NMNAT1: variants seen among roughly 807,000 people sequenced by gnomAD.
NMNAT1 encodes the protein nicotinamide nucleotide adenylyltransferase 1, also known as nicotinamide/nicotinic acid mononucleotide adenylyltransferase 1.
Under a neutral mutation model 16.7 loss-of-function variants are expected in NMNAT1, and 11 were observed. That is an observed-to-expected ratio of 0.66 (90% CI 0.41 to 1.09). NMNAT1 has a LOEUF of 1.09. NMNAT1 is among the 50% of genes least tolerant of loss of function. The probability of loss-of-function intolerance (pLI) is 0.00; values close to 1 mark genes in which losing one functional copy is unlikely to be tolerated. For synonymous variants in NMNAT1, 110 were observed against 119.8 expected (o/e 0.92, Z 0.53); for missense variants, 280 against 332.3 (o/e 0.84, Z 1.22).
At chr1:9,958,443 G>GTTTTT (rs766788344) in intron 1 of NMNAT1, among the ~76,000 whole-genome samples, 13 of 139,636 alleles carry the variant, frequency 9.3e-5, no homozygotes, top group South Asian at 2.3e-4. Context: ...GTTTTGTTTT[G>GTTTTT]TTTTTTTTTT....
intron 1 of NMNAT1, among the ~76,000 whole-genome samples, chr1:9,953,129 C>T (rs1046720881): frequency 2.5e-4 from 38 of 150,028 alleles, no homozygotes; most frequent in Non-Finnish European, 5.0e-4. Flanking sequence ...TACAGGTGCC[C>T]GCCACCACGC....
chr1:9,986,457 C>T (rs1433888025), downstream of NMNAT1, among the ~76,000 whole-genome samples: 1 of 152,104 alleles, frequency 6.6e-6, no homozygotes, highest in Non-Finnish European at 1.5e-5. Flanking sequence ...CTCAGCCAGG[C>T]TTGGTGGCTC....
At chr1:9,979,838 C>G (rs1228462900) in intron 3 of NMNAT1, among the ~76,000 whole-genome samples, 5 of 151,832 alleles carry the variant, frequency 3.3e-5, no homozygotes, top group African/African-American at 1.2e-4. Context: ...AATGCCTCCT[C>G]ATAGACTCTG....
At position 9,982,500 on chromosome 1, in the gene NMNAT1, G is replaced by T; in HGVS notation, c.639G>T (p.Val213=). 1 of 1,614,142 alleles carries T rather than the reference G, an allele frequency of 6.2e-7. No homozygotes were observed. Among genetic ancestry groups the T allele is most frequent in the Non-Finnish European group, 8.5e-7 (1 of 1,180,030 alleles). The change falls in exon 5 of 5, where the codon GTG becomes GTT. Residue 213 remains valine, a synonymous_variant. Coordinates refer to ENST00000377205, the MANE Select transcript of NMNAT1 (RefSeq NM_022787.4). ...AACACCGGAGCAACATTCACGTGGT[G>T]AATGAATGGATCGCTAATGACATCT... is the stretch of plus-strand genomic sequence containing the variant. The part of the protein sequence containing the change: ...LWKHRSNIHV[V]NEWIANDISS...
chr1:9,948,822 A>C (rs1022447848), intron 1 of NMNAT1, among the ~76,000 whole-genome samples: 4 of 151,144 alleles, frequency 2.6e-5, no homozygotes, highest in Non-Finnish European at 5.9e-5. Context: ...AATTTTTTGT[A>C]TTTTTAGTAG....
chr1:9,987,767 G>A (rs141992125), downstream of NMNAT1, among the ~76,000 whole-genome samples: 347 of 152,134 alleles, frequency 2.3e-3, 2 homozygotes, highest in African/African-American at 7.5e-3. Context: ...ATCTGGAGGC[G>A]TAGTGAGCTG....
At chr1:9,992,423 GA>G in the NMNAT1 span, among the ~76,000 whole-genome samples, 1 of 151,966 alleles carries the variant, frequency 6.6e-6, no homozygotes, top group African/African-American at 2.4e-5. Context: ...CCTAGTTGAC[GA>G]AAACGGTTCA....
chr1:9,965,090 G>A (rs532808390), intron 1 of NMNAT1, among the ~76,000 whole-genome samples: 21 of 151,490 alleles, frequency 1.4e-4, no homozygotes, highest in Non-Finnish European at 2.2e-4. Flanking sequence ...AGGCCGAGGC[G>A]GGTGGATCAC....
rs765434176 is a variant in NMNAT1 at position 9,982,360 on chromosome 1, A to C, written c.499A>C (p.Asn167His). 1.9e-6 allele frequency: 3 copies of C among 1,614,028 alleles called. No individual in the cohort carries two copies. The African/African-American group carries it at 4.0e-5, about 22-fold the overall frequency. Reference sequence around the variant, plus strand: ...TTTATTGGAGTCCTTTGCTGTTCCCAATTTGTGGAAGAGTGAAGACATCAC... The same window carrying C: ...TTTATTGGAGTCCTTTGCTGTTCCCCATTTGTGGAAGAGTGAAGACATCAC... Reference protein sequence around the residue: ...ADLLESFAVPNLWKSEDITQI... With the variant: ...ADLLESFAVPHLWKSEDITQI... The change falls in exon 5 of 5, where the codon AAT (asparagine) becomes CAT (histidine). Residue 167 changes from asparagine to histidine, a missense_variant. Asn to His is a moderately conservative substitution (Grantham distance 68). Coordinates refer to ENST00000377205, the MANE Select transcript of NMNAT1 (RefSeq NM_022787.4).
intron 1 of NMNAT1, among the ~76,000 whole-genome samples, chr1:9,965,614 G>A (rs1158825699): frequency 6.6e-6 from 1 of 151,906 alleles, no homozygotes; most frequent in African/African-American, 2.4e-5. Context: ...TGTTGGTCAA[G>A]CTGGTCTTGA....
At chr1:9,963,867 A>T (rs1055045527) in intron 1 of NMNAT1, among the ~76,000 whole-genome samples, 10 of 152,148 alleles carry the variant, frequency 6.6e-5, no homozygotes, top group African/African-American at 2.4e-4. Flanking sequence ...GTGAGAATCA[A>T]ATGACAATGT....
intron 1 of NMNAT1, among the ~76,000 whole-genome samples, chr1:9,950,338 G>A (rs572891999): frequency 3.3e-5 from 5 of 152,222 alleles, no homozygotes; most frequent in East Asian, 1.9e-4. Flanking sequence ...TGATCCGCCC[G>A]CCTTGGCCTC....
rs868312331 is a variant in NMNAT1 at position 9,985,494 on chromosome 1, C to T, written c.*2793C>T. On this transcript the variant is annotated 3_prime_UTR_variant, in exon 5 of 5. Coordinates refer to ENST00000377205, the MANE Select transcript of NMNAT1 (RefSeq NM_022787.4). ...AAGTGAGGACAAATAAAGCTTTCAA[C>T]AACAGTTTGTGGTAGTCTGATGGAG... 1.3e-5 allele frequency: 2 copies of T among 152,120 alleles called. No individual in the cohort carries two copies. Among genetic ancestry groups the T allele is most frequent in the African/African-American group, 2.4e-5 (1 of 41,434 alleles). The allele number at this position is 152,120 out of a possible 1,614,324, so 9.4% of individuals were successfully genotyped here. A position where few individuals can be genotyped will look rare whatever the true frequency, so the allele number is the denominator to read the frequency against.
Position 9,944,030 on chromosome 1 carries a change from G to A in NMNAT1, c.-57+515G>A, listed in dbSNP as rs187169077. Among the ~76,000 whole-genome samples the A allele has an allele frequency of 6.4e-3, 969 of 152,068 alleles. 4 individuals carry two copies. The highest frequency in any genetic ancestry group is 0.01 in the Non-Finnish European group (700 of 67,962). ...AGCACTTTGGGAGGCCGAGGCAGGC[G>A]GATCACGAGGTCAGGAGTTCGAGAC... On this transcript the variant is annotated intron_variant, in intron 1 of 4. Coordinates refer to ENST00000377205, the MANE Select transcript of NMNAT1 (RefSeq NM_022787.4).
chr1:9,949,698 C>T (rs1036052212), intron 1 of NMNAT1: 4 of 152,000 alleles, frequency 2.6e-5, no homozygotes, highest in Non-Finnish European at 4.4e-5. Context: ...TCAAGTGATT[C>T]GCCCACCTCG....
At chr1:9,992,551 G>A in the NMNAT1 span, among the ~76,000 whole-genome samples, 5 of 152,220 alleles carry the variant, frequency 3.3e-5, 1 homozygote, top group South Asian at 4.2e-4. Flanking sequence ...CCAATCCTAA[G>A]AGGATGAGCA....
chr1:9,961,187 A>G (rs1005816893), intron 1 of NMNAT1, among the ~76,000 whole-genome samples: 1 of 152,200 alleles, frequency 6.6e-6, no homozygotes, highest in Non-Finnish European at 1.5e-5. Context: ...TCCCTTGGGC[A>G]TCACCTGGAA....
At chr1:9,975,479 G>A in intron 2 of NMNAT1, 113 bp from the exon 3 acceptor site, 4 of 881,818 alleles carry the variant, frequency 4.5e-6, no homozygotes, top group Non-Finnish European at 6.8e-6. Context: ...CTGGGGAACA[G>A]AGCAAGACTC....
At chr1:9,996,534 G>A in the NMNAT1 span, among the ~76,000 whole-genome samples, 1 of 152,082 alleles carries the variant, frequency 6.6e-6, no homozygotes, top group African/African-American at 2.4e-5. Context: ...GTTAGAAGTG[G>A]CATTGATACA....
Sources: gnomAD v4.1 joint callset for allele counts (sites outside exome capture counted in the v4.1 genomes callset) on GRCh38, gnomAD v4.1.1 for gene constraint, MANE v1.5 for transcripts, NCBI Gene and HGNC (gene_info 2026-07-23, HGNC 2026-07-21) for gene names.